The following XIRP2 variants were observed in gnomAD, a reference collection of about 807,000 sequenced individuals.
XIRP2 encodes xin actin-binding repeat-containing protein 2.
In XIRP2, 236 loss-of-function variants were observed where a neutral mutation model predicts 277.0. The observed-to-expected ratio is 0.85, with a 90% CI of 0.77 to 0.95. XIRP2 has a LOEUF of 0.95. Among genes scored for constraint, XIRP2 ranks in the 40% least tolerant of loss-of-function variants. The probability of loss-of-function intolerance (pLI) is 0.00; values close to 1 mark genes in which losing one functional copy is unlikely to be tolerated. For missense variants in XIRP2, 4,640 were observed against 4,157.5 expected (o/e 1.12, Z -3.19); for synonymous variants, 1,490 against 1,416.5 (o/e 1.05, Z -1.17).
At chr2:167,192,075 A>G (rs1693357093) in intron 3 of XIRP2, among the ~76,000 whole-genome samples, 1 of 151,932 alleles carries the variant, frequency 6.6e-6, no homozygotes. Flanking sequence ...TTAAAAGCAC[A>G]GTCTGGCAAT....
intron 2 of XIRP2, among the ~76,000 whole-genome samples, chr2:167,100,418 G>A (rs1262053804): frequency 6.6e-6 from 1 of 152,084 alleles, no homozygotes; most frequent in Non-Finnish European, 1.5e-5. Flanking sequence ...GATTGCTGAG[G>A]CATATGTGAT....
At chr2:166,957,415 G>A (rs116151499) in intron 2 of XIRP2, among the ~76,000 whole-genome samples, 2,570 of 151,488 alleles carry the variant, frequency 0.017, 71 homozygotes, top group African/African-American at 0.058. Flanking sequence ...AACTTGGATA[G>A]TTTCATTTTG....
At chr2:166,908,442 G>A (rs200543273) in intron 2 of XIRP2, among the ~76,000 whole-genome samples, 10 of 151,990 alleles carry the variant, frequency 6.6e-5, no homozygotes, top group African/African-American at 1.9e-4. Flanking sequence ...CATATCCTTC[G>A]CCCACTTTTT....
intron 6 of XIRP2, 135 bp downstream of exon 6, chr2:167,240,100 T>G (rs1695012548): frequency 1.2e-6 from 1 of 825,634 alleles, no homozygotes; most frequent in South Asian, 2.7e-5. Flanking sequence ...TTTCTCCACT[T>G]TCAAGTTGGA....
Position 167,251,874 on chromosome 2 carries a change from G to A in XIRP2, c.10482G>A (p.Leu3494=). ...AGAGTGGAAGAGTTTTTAAAGGCCT[G>A]GGATATGCAACCGCAGATGCTTCTG... is the stretch of plus-strand genomic sequence containing the variant. ...WQESGRVFKG[L]GYATADASAT... is the part of the protein sequence containing the mutation. The change falls in exon 9 of 11, where the codon CTG becomes CTA. Residue 3494 remains leucine (L), a synonymous_variant. Transcript: ENST00000409195. 6.2e-7 allele frequency: 1 copy of A among 1,608,366 alleles called. No homozygotes were observed. Among genetic ancestry groups the A allele is most frequent in the East Asian group, 2.2e-5 (1 of 44,822 alleles).
chr2:166,919,838 A>G (rs947037024), intron 2 of XIRP2, among the ~76,000 whole-genome samples: 8 of 152,188 alleles, frequency 5.3e-5, no homozygotes, highest in African/African-American at 1.9e-4. Flanking sequence ...GCAGACACAG[A>G]CACACATACC....
chr2:167,053,102 A>G (rs1688955706), intron 2 of XIRP2, among the ~76,000 whole-genome samples: 1 of 151,998 alleles, frequency 6.6e-6, no homozygotes, highest in African/African-American at 2.4e-5. Context: ...TCATGTCTGT[A>G]CCTCCCGTCT....
intron 2 of XIRP2, among the ~76,000 whole-genome samples, chr2:166,951,545 A>G (rs1686033918): frequency 6.6e-6 from 1 of 151,984 alleles, no homozygotes; most frequent in Non-Finnish European, 1.5e-5. Context: ...ATTTAGAAAG[A>G]ACATTCTTGT....
rs755415617 is a variant in XIRP2, at chr2:167,250,053, C to G, written c.8661C>G (p.Pro2887=). The change falls in exon 9 of 11, where the codon CCC becomes CCG. Residue 2887 remains proline (P), a synonymous_variant. Transcript: ENST00000409195. ...GTAAAGCTGAACATAAAAAATTGCCCCAGCCATATAATAGTCTGCAGGAAG... is the reference window on the plus strand; with the variant it reads ...GTAAAGCTGAACATAAAAAATTGCCGCAGCCATATAATAGTCTGCAGGAAG... ...AESKAEHKKL[P]QPYNSLQEEK... 1 of 1,613,482 alleles carries G rather than the reference C, an allele frequency of 6.2e-7. No homozygotes were observed. Among genetic ancestry groups the G allele is most frequent in the South Asian group, 1.1e-5 (1 of 91,074 alleles).
At chr2:166,975,548 T>C (rs1330176534) in intron 2 of XIRP2, among the ~76,000 whole-genome samples, 1 of 151,870 alleles carries the variant, frequency 6.6e-6, no homozygotes, top group African/African-American at 2.4e-5. Flanking sequence ...AAAGATAAAT[T>C]GTAAGGGGTC....
chr2:166,953,775 C>G (rs1489901033), intron 2 of XIRP2, among the ~76,000 whole-genome samples: 4 of 151,882 alleles, frequency 2.6e-5, no homozygotes, highest in Non-Finnish European at 5.9e-5. Flanking sequence ...CTACTGTAGA[C>G]ATTCTTAATG....
chr2:167,200,201 T>C (rs972851868), intron 3 of XIRP2, among the ~76,000 whole-genome samples: 1 of 152,170 alleles, frequency 6.6e-6, no homozygotes, highest in African/African-American at 2.4e-5. Context: ...GAATGAATCA[T>C]CAATGAAGGA....
intron 5 of XIRP2, among the ~76,000 whole-genome samples, chr2:167,233,993 C>T (rs1489339503): frequency 1.3e-5 from 2 of 151,566 alleles, no homozygotes; most frequent in Non-Finnish European, 3.0e-5. Context: ...TGTTTGACGA[C>T]TCAGTTGAGA....
rs771649475 is a variant in XIRP2, at chr2:167,258,100, C to T, written c.*283C>T. ...GTAATGAACATTTAGATGCTGGTAA[C>T]AGTGAAGGGCAAAGGAATGATTTGA... On this transcript the variant is annotated 3_prime_UTR_variant, in exon 11 of 11. Coordinates refer to ENST00000409195, the MANE Select transcript of XIRP2 (RefSeq NM_152381.6). 1.9e-6 allele frequency: 3 copies of T among 1,613,024 alleles called. No individual in the cohort carries two copies. Among genetic ancestry groups the T allele is most frequent in the South Asian group, 1.1e-5 (1 of 91,056 alleles).
At chr2:167,066,880 C>A (rs753768879) in intron 2 of XIRP2, among the ~76,000 whole-genome samples, 1 of 152,064 alleles carries the variant, frequency 6.6e-6, no homozygotes, top group Non-Finnish European at 1.5e-5. Context: ...ACAAGCTAGT[C>A]ATATGCATTG....
chr2:167,244,806 C>T lies in XIRP2; in HGVS notation c.3414C>T (p.Thr1138=). 6.2e-7 allele frequency: 1 copy of T among 1,613,516 alleles called. No homozygotes were observed. The highest frequency in any genetic ancestry group is 8.5e-7 in the Non-Finnish European group (1 of 1,179,718). The stretch of plus-strand genomic sequence containing the variant: ...TCTTTGAAACTCAGCCACTTGATAC[C>T]ATAAAAGATGACTCTGAAACAGCAG... ...TWLFETQPLD[T]IKDDSETAVK... is the part of the protein sequence containing the mutation. The change falls in exon 9 of 11, where the codon ACC becomes ACT. Residue 1138 remains threonine (T), a synonymous_variant. Transcript: ENST00000409195.
chr2:167,252,055 A>G (rs1225035577), intron 9 of XIRP2, 108 bp downstream of exon 9: 4 of 1,466,360 alleles, frequency 2.7e-6, no homozygotes, highest in East Asian at 2.4e-5. Context: ...ACCAAACAAT[A>G]TAACCTAAAA....
intron 3 of XIRP2, among the ~76,000 whole-genome samples, chr2:167,163,741 A>G (rs748981307): frequency 1.3e-5 from 2 of 152,178 alleles, no homozygotes; most frequent in Non-Finnish European, 1.5e-5. Flanking sequence ...CTAGAATTGC[A>G]AAGATATTTC....
intron 2 of XIRP2, among the ~76,000 whole-genome samples, chr2:167,026,770 T>C (rs552223643): frequency 1.6e-3 from 241 of 152,244 alleles, no homozygotes; most frequent in Non-Finnish European, 2.5e-3. Context: ...TTTAAGAATG[T>C]TGAATGTTGG....
Sources: gnomAD v4.1 joint callset for allele counts (sites outside exome capture counted in the v4.1 genomes callset) on GRCh38, gnomAD v4.1.1 for gene constraint, MANE v1.5 for transcripts, NCBI Gene and HGNC (gene_info 2026-07-23, HGNC 2026-07-21) for gene names.